Variants in GALM observed in about 807,000 individuals in gnomAD.
GALM encodes the protein galactose mutarotase.
Under a neutral mutation model 37.4 loss-of-function variants are expected in GALM, and 43 were observed. The ratio of observed to expected loss-of-function variants is 1.15; its 90% CI spans 0.90 to 1.48. The LOEUF is 1.48. Among genes scored for constraint, GALM ranks in the 40% most tolerant of loss-of-function variants. GALM has a pLI of 0.00. For missense variants in GALM, 456 were observed against 419.1 expected (o/e 1.09, Z -0.77); for synonymous variants, 199 against 170.6 (o/e 1.17, Z -1.30).
intron 4 of GALM, among the ~76,000 whole-genome samples, chr2:38,702,384 G>A (rs73930944): frequency 0.022 from 3,375 of 151,668 alleles, 133 homozygotes; most frequent in African/African-American, 0.078. Flanking sequence ...CATTTCACTG[G>A]TCAAAAAACA....
chr2:38,673,414 G>A (rs996975968), intron 1 of GALM, among the ~76,000 whole-genome samples: 1 of 152,144 alleles, frequency 6.6e-6, no homozygotes. Flanking sequence ...CGTAAAGTAA[G>A]CACAGAGGAA....
At chr2:38,723,449 T>C (rs1378158356) in intron 4 of GALM, among the ~76,000 whole-genome samples, 1 of 152,216 alleles carries the variant, frequency 6.6e-6, no homozygotes, top group Non-Finnish European at 1.5e-5. Context: ...GTTTCTTTAG[T>C]GCCAATGAGC....
intron 3 of GALM, among the ~76,000 whole-genome samples, chr2:38,684,293 G>A (rs1238119484): frequency 6.6e-6 from 1 of 152,150 alleles, no homozygotes; most frequent in Non-Finnish European, 1.5e-5. Context: ...AGGTATGTAG[G>A]TTGCAGGTCG....
intron 4 of GALM, among the ~76,000 whole-genome samples, chr2:38,725,745 A>C (rs1408673055): frequency 1.3e-5 from 2 of 151,670 alleles, no homozygotes; most frequent in Non-Finnish European, 2.9e-5. Flanking sequence ...TTTGAGACAG[A>C]GTCTCACTCT....
At chr2:38,667,358 A>G (rs762039125) in intron 1 of GALM, among the ~76,000 whole-genome samples, 1 of 152,114 alleles carries the variant, frequency 6.6e-6, no homozygotes, top group Non-Finnish European at 1.5e-5. Flanking sequence ...TCATGGTTAC[A>G]TGTTGGCCAG....
intron 5 of GALM, among the ~76,000 whole-genome samples, chr2:38,730,267 TTG>T (rs537054830): frequency 2.8e-4 from 43 of 152,138 alleles, no homozygotes; most frequent in Non-Finnish European, 5.3e-4. Flanking sequence ...ATTAACAGTT[TTG>T]TGTGTGTGCG....
intron 1 of GALM, among the ~76,000 whole-genome samples, chr2:38,672,237 T>A (rs770681113): frequency 1.3e-5 from 2 of 152,192 alleles, no homozygotes; most frequent in Non-Finnish European, 2.9e-5. Context: ...GAGCTCAGTG[T>A]TCACTTGTTG....
chr2:38,691,154 G>A (rs1470539290), intron 4 of GALM, among the ~76,000 whole-genome samples: 3 of 152,216 alleles, frequency 2.0e-5, no homozygotes, highest in Non-Finnish European at 2.9e-5. Context: ...TGATAAGGAA[G>A]AAAGTGAATC....
intron 1 of GALM, 91 bp downstream of exon 1, chr2:38,666,442 C>G: frequency 9.7e-6 from 10 of 1,029,136 alleles, no homozygotes; most frequent in Non-Finnish European, 1.4e-5. Context: ...ATGCGAGGGA[C>G]CAAGGGGGAA....
intron 4 of GALM, among the ~76,000 whole-genome samples, chr2:38,721,011 G>A (rs1056313344): frequency 2.6e-5 from 4 of 152,236 alleles, no homozygotes; most frequent in Non-Finnish European, 4.4e-5. Flanking sequence ...GCTCAGTGAA[G>A]AAGTATCAAC....
chr2:38,680,107 C>T (rs1665359292), intron 2 of GALM: 1 of 449,876 alleles, frequency 2.2e-6, no homozygotes, highest in Middle Eastern at 4.2e-4. Context: ...CAGCCTCAAC[C>T]TCCTGGGCTC....
chr2:38,733,641 A>G lies in GALM; in HGVS notation c.*76A>G, dbSNP rs1402177854. The G allele has an allele frequency of 9.5e-7, 1 of 1,056,006 alleles. No homozygotes were observed. The highest frequency in any genetic ancestry group is 1.6e-5 in the African/African-American group (1 of 63,292). 65.4% of individuals were successfully genotyped at this position (1,056,006 alleles called of 1,614,324 possible). ...CCTGTCCAGAAAAAAGGTGAAGATT[A>G]AGAAGCTTTCAGAATGATTCTATGG... On this transcript the variant is annotated 3_prime_UTR_variant, in exon 7 of 7. Transcript: ENST00000272252.
intron 1 of GALM, among the ~76,000 whole-genome samples, chr2:38,670,566 C>T (rs894330586): frequency 2.0e-5 from 3 of 152,162 alleles, no homozygotes; most frequent in African/African-American, 7.2e-5. Flanking sequence ...ACTCTCCAGA[C>T]CTATTTTCTC....
At chr2:38,682,941 C>G (rs1010445818) in intron 3 of GALM, among the ~76,000 whole-genome samples, 1 of 148,316 alleles carries the variant, frequency 6.7e-6, no homozygotes, top group African/African-American at 2.5e-5. Context: ...AAGACAAAAA[C>G]AAAACAAAAA....
chr2:38,693,499 A>G (rs1665731764), intron 4 of GALM, among the ~76,000 whole-genome samples: 1 of 149,198 alleles, frequency 6.7e-6, no homozygotes, highest in African/African-American at 2.5e-5. Context: ...AAAAAAAAAA[A>G]GAGAGAGAGA....
At chr2:38,692,822 G>T (rs887852876) in intron 4 of GALM, among the ~76,000 whole-genome samples, 9 of 152,334 alleles carry the variant, frequency 5.9e-5, no homozygotes, top group Non-Finnish European at 1.2e-4. Context: ...GAAAGTGGAA[G>T]TTTGCCAGGG....
chr2:38,731,954 T>A, intron 6 of GALM, 45 bp downstream of exon 6: 1 of 1,492,132 alleles, frequency 6.7e-7, no homozygotes, highest in Non-Finnish European at 9.3e-7. Flanking sequence ...GTGTCCAAGG[T>A]CACACTGTAC....
In GALM at chr2:38,673,627, G is replaced by A. The variant is rs376740522; in HGVS notation, c.191-2285G>A. 7.2e-5 allele frequency among the ~76,000 whole-genome samples: 11 copies of A among 152,106 alleles called. No individual in the cohort carries two copies. The East Asian group carries it at 1.7e-3, about 24-fold the overall frequency. ...AGATCGAGACCATCCTGGCTAACAC[G>A]GTGAAACCCCGTCTCTACTAAAAAT... is the stretch of plus-strand genomic sequence containing the variant. On this transcript the variant is annotated intron_variant, in intron 1 of 6. Transcript: ENST00000272252.
At chr2:38,671,555 C>T (rs1199562825) in intron 1 of GALM, 1 of 152,202 alleles carries the variant, frequency 6.6e-6, no homozygotes, top group African/African-American at 2.4e-5. Flanking sequence ...CAATTACCTC[C>T]ACCAGGTGGG....
Sources: allele counts gnomAD v4.1 joint callset (sites outside exome capture counted in the v4.1 genomes callset), GRCh38; gene constraint gnomAD v4.1.1; transcripts MANE v1.5; gene names NCBI Gene and HGNC (gene_info 2026-07-23, HGNC 2026-07-21).